The following ZNF804B variants were observed in gnomAD, a reference collection of about 807,000 sequenced individuals.
ZNF804B encodes the protein zinc finger protein 804B.
In ZNF804B, 80 loss-of-function variants were observed where a neutral mutation model predicts 101.4. The observed-to-expected ratio is 0.79, with a 90% confidence interval of 0.66 to 0.95. The LOEUF (loss-of-function observed/expected upper bound fraction) is 0.95. Ranked by LOEUF, ZNF804B falls within the 40% of genes least tolerant of loss-of-function variation. The pLI, the probability that ZNF804B is intolerant of heterozygous loss-of-function variation, is 0.00. For missense variants in ZNF804B, 1,673 were observed against 1,561.9 expected, an observed-to-expected ratio of 1.07 and a Z score of -1.20; for synonymous variants, 622 against 558.8, an observed-to-expected ratio of 1.11 and a Z score of -1.59.
chr7:89,028,751 CCTTA>C (rs1389524683), intron 1 of ZNF804B, among the ~76,000 whole-genome samples: 5 of 152,068 alleles, frequency 3.3e-5, no homozygotes, highest in African/African-American at 4.8e-5. Context: ...TCTTCAGCTT[CCTTA>C]CTTGTCAAAC....
At chr7:89,046,105 T>C (rs1214594593) in intron 1 of ZNF804B, among the ~76,000 whole-genome samples, 1 of 151,874 alleles carries the variant, frequency 6.6e-6, no homozygotes, top group African/African-American at 2.4e-5. Context: ...AGATCTGATT[T>C]TACAAGGGGC....
chr7:89,007,484 A>C (rs1414103467), intron 1 of ZNF804B, among the ~76,000 whole-genome samples: 1 of 61,028 alleles, frequency 1.6e-5, no homozygotes, highest in Admixed American at 2.0e-4. Context: ...ATATATATAT[A>C]TGTCAACCTA....
At chr7:89,051,485 G>C (rs1403767982) in intron 1 of ZNF804B, among the ~76,000 whole-genome samples, 1 of 152,016 alleles carries the variant, frequency 6.6e-6, no homozygotes. Flanking sequence ...CATTTTTACT[G>C]GATTCAAAAG....
At chr7:89,039,031 T>C (rs898376197) in intron 1 of ZNF804B, among the ~76,000 whole-genome samples, 1 of 150,286 alleles carries the variant, frequency 6.7e-6, no homozygotes, top group Non-Finnish European at 1.5e-5. Flanking sequence ...TGATTTTCTA[T>C]TTTTTTTATT....
intron 1 of ZNF804B, among the ~76,000 whole-genome samples, chr7:89,022,635 T>G (rs1788685059): frequency 6.6e-6 from 1 of 152,218 alleles, no homozygotes; most frequent in Non-Finnish European, 1.5e-5. Flanking sequence ...GGTTTCTTCA[T>G]CAGGAGTGTC....
At chr7:88,852,483 C>G (rs115397732) in intron 1 of ZNF804B, among the ~76,000 whole-genome samples, 4 of 152,084 alleles carry the variant, frequency 2.6e-5, no homozygotes, top group African/African-American at 4.8e-5. Context: ...GCTGCCCAAT[C>G]CTTGTTACCT....
intron 1 of ZNF804B, among the ~76,000 whole-genome samples, chr7:88,926,278 TC>T (rs2116008284): frequency 6.6e-6 from 1 of 152,088 alleles, no homozygotes; most frequent in African/African-American, 2.4e-5. Context: ...TTAATTCTGT[TC>T]TGTTCTTTTA....
chr7:88,918,371 C>T (rs1792667148), intron 1 of ZNF804B, among the ~76,000 whole-genome samples: 1 of 152,102 alleles, frequency 6.6e-6, no homozygotes. Flanking sequence ...AGATCTCTTA[C>T]TGTCAAGTCA....
chr7:88,773,161 A>G (rs1790093783), intron 1 of ZNF804B, among the ~76,000 whole-genome samples: 2 of 152,190 alleles, frequency 1.3e-5, no homozygotes, highest in South Asian at 2.1e-4. Context: ...GTTTTTATGA[A>G]AAATGTTAAA....
intron 1 of ZNF804B, among the ~76,000 whole-genome samples, chr7:88,820,815 T>C (rs1195639258): frequency 1.3e-5 from 2 of 152,078 alleles, no homozygotes; most frequent in African/African-American, 4.8e-5. Flanking sequence ...ACGGTGACAA[T>C]GTGTGAACTG....
At chr7:88,870,464 A>G (rs1422435493) in intron 1 of ZNF804B, among the ~76,000 whole-genome samples, 1 of 151,728 alleles carries the variant, frequency 6.6e-6, no homozygotes, top group East Asian at 1.9e-4. Flanking sequence ...TTCCAAGATC[A>G]GGAAACTGCT....
intron 1 of ZNF804B, among the ~76,000 whole-genome samples, chr7:88,867,037 A>T (rs2115869716): frequency 6.6e-6 from 1 of 152,266 alleles, no homozygotes; most frequent in East Asian, 1.9e-4. Context: ...CACACAGTAG[A>T]CTCTTATTAG....
intron 1 of ZNF804B, among the ~76,000 whole-genome samples, chr7:89,142,697 C>A (rs1790734378): frequency 6.6e-6 from 1 of 151,984 alleles, no homozygotes; most frequent in Non-Finnish European, 1.5e-5. Flanking sequence ...AAAGTTAGTT[C>A]AACTTTTTCA....
At chr7:89,111,222 T>G (rs1462988224) in intron 1 of ZNF804B, among the ~76,000 whole-genome samples, 2 of 152,244 alleles carry the variant, frequency 1.3e-5, no homozygotes, top group African/African-American at 4.8e-5. Flanking sequence ...CATAAAAGTA[T>G]TTTTAAACTC....
chr7:89,258,542 C>T (rs1434591099), intron 2 of ZNF804B, among the ~76,000 whole-genome samples: 1 of 152,074 alleles, frequency 6.6e-6, no homozygotes, highest in Non-Finnish European at 1.5e-5. Context: ...GAATCAAAAA[C>T]AGGTGAAGAT....
intron 1 of ZNF804B, among the ~76,000 whole-genome samples, chr7:88,878,525 A>G (rs1476937366): frequency 2.6e-5 from 4 of 152,172 alleles, no homozygotes; most frequent in Admixed American, 6.5e-5. Context: ...AAGAGTAAAC[A>G]TAAGTAAAAT....
intron 1 of ZNF804B, among the ~76,000 whole-genome samples, chr7:89,044,053 CCAGA>C (rs1789061977): frequency 6.6e-6 from 1 of 152,086 alleles, no homozygotes; most frequent in Non-Finnish European, 1.5e-5. Flanking sequence ...GTGAAATAAG[CCAGA>C]CACAGAAAGA....
chr7:88,976,259 A>G (rs1228573614), intron 1 of ZNF804B, among the ~76,000 whole-genome samples: 2 of 151,568 alleles, frequency 1.3e-5, no homozygotes, highest in Non-Finnish European at 3.0e-5. Context: ...TAACAATTTT[A>G]GGATTATTTT....
intron 1 of ZNF804B, among the ~76,000 whole-genome samples, chr7:88,811,199 G>A (rs1441030336): frequency 6.6e-6 from 1 of 152,116 alleles, no homozygotes; most frequent in Admixed American, 6.5e-5. Context: ...GTGTTGCACT[G>A]GGGTTGTCAG....
Sources: allele counts gnomAD v4.1 joint callset (sites outside exome capture counted in the v4.1 genomes callset), GRCh38; gene constraint gnomAD v4.1.1; transcripts MANE v1.5; gene names NCBI Gene and HGNC (gene_info 2026-07-23, HGNC 2026-07-21).